The following PLXNA4 variants were observed in gnomAD, a reference collection of about 807,000 sequenced individuals.
PLXNA4 encodes plexin-A4.
Under a neutral mutation model 191.8 loss-of-function variants are expected in PLXNA4, and 44 were observed. The observed-to-expected ratio is 0.23, with a 90% CI of 0.18 to 0.29. PLXNA4 has a LOEUF of 0.29. Ranked by LOEUF, PLXNA4 falls within the 10% of genes least tolerant of loss-of-function variation. The pLI, the probability that PLXNA4 is intolerant of heterozygous loss-of-function variation, is 1.00. For synonymous variants in PLXNA4, 1,082 were observed against 1,009.5 expected (o/e 1.07, Z -1.36); for missense variants, 1,800 against 2,488.8 (o/e 0.72, Z 5.89).
chr7:132,434,716 C>A (rs1314550772), intron 3 of PLXNA4, among the ~76,000 whole-genome samples: 1 of 152,198 alleles, frequency 6.6e-6, no homozygotes, highest in Non-Finnish European at 1.5e-5. Flanking sequence ...GGCACACAGA[C>A]CATGAATGAT....
At chr7:132,157,501 T>G (rs1268807290) in intron 25 of PLXNA4, among the ~76,000 whole-genome samples, 1 of 152,178 alleles carries the variant, frequency 6.6e-6, no homozygotes, top group Non-Finnish European at 1.5e-5. Flanking sequence ...TGTGAGCCCC[T>G]CCATGGGAAA....
At chr7:132,606,792 A>G (rs905301942) in intron 2 of PLXNA4, among the ~76,000 whole-genome samples, 1 of 152,224 alleles carries the variant, frequency 6.6e-6, no homozygotes, top group Admixed American at 6.5e-5. Flanking sequence ...CACCTGATAT[A>G]TGGCAAAAAA....
At chr7:132,170,742 A>C (rs1339430002) in intron 21 of PLXNA4, among the ~76,000 whole-genome samples, 1 of 152,202 alleles carries the variant, frequency 6.6e-6, no homozygotes, top group Non-Finnish European at 1.5e-5. Flanking sequence ...CCTTGCACAG[A>C]AGGGCTGTCA....
intron 1 of PLXNA4, among the ~76,000 whole-genome samples, chr7:132,572,277 G>A (rs868375506): frequency 2.6e-5 from 4 of 152,070 alleles, no homozygotes; most frequent in East Asian, 1.9e-4. Context: ...AATAGGGACC[G>A]TAATAGCCTA....
intron 1 of PLXNA4, among the ~76,000 whole-genome samples, chr7:132,563,110 CCCT>C (rs1801389412): frequency 2.5e-5 from 1 of 39,442 alleles, no homozygotes; most frequent in Non-Finnish European, 5.2e-5. Context: ...CTCCTCCTCT[CCCT>C]CCTCCTCCTT....
At chr7:132,363,383 C>T (rs1804025378) in intron 3 of PLXNA4, among the ~76,000 whole-genome samples, 2 of 152,316 alleles carry the variant, frequency 1.3e-5, no homozygotes, top group Admixed American at 1.3e-4. Context: ...CATCATTATG[C>T]TTCCTATCTC....
chr7:132,373,403 G>C (rs892201385), intron 3 of PLXNA4, among the ~76,000 whole-genome samples: 2 of 152,164 alleles, frequency 1.3e-5, no homozygotes, highest in African/African-American at 4.8e-5. Flanking sequence ...TCTATGATTG[G>C]TGCCAGGCCT....
chr7:132,357,340 C>T (rs1412457913), intron 3 of PLXNA4, among the ~76,000 whole-genome samples: 1 of 152,200 alleles, frequency 6.6e-6, no homozygotes, highest in African/African-American at 2.4e-5. Context: ...CTTTCCTTTG[C>T]ATCCTTCTTG....
chr7:132,593,840 G>T (rs1585392306), intron 2 of PLXNA4, among the ~76,000 whole-genome samples: 2 of 152,346 alleles, frequency 1.3e-5, no homozygotes, highest in South Asian at 4.1e-4. Context: ...CACAAAAAGA[G>T]GTTGAATGAA....
At chr7:132,260,613 C>T (rs989218177) in intron 4 of PLXNA4, among the ~76,000 whole-genome samples, 2 of 151,486 alleles carry the variant, frequency 1.3e-5, no homozygotes, top group Admixed American at 6.6e-5. Flanking sequence ...CAAACTTCAG[C>T]GACACGCGAT....
intron 3 of PLXNA4, among the ~76,000 whole-genome samples, chr7:132,403,117 C>G (rs959303264): frequency 1.3e-5 from 2 of 152,202 alleles, no homozygotes; most frequent in African/African-American, 4.8e-5. Flanking sequence ...TCCCAGGAGG[C>G]AGTGCTTGGA....
At chr7:132,132,087 G>A (rs1046089811) in intron 31 of PLXNA4, among the ~76,000 whole-genome samples, 1 of 152,246 alleles carries the variant, frequency 6.6e-6, no homozygotes, top group Non-Finnish European at 1.5e-5. Flanking sequence ...TGGATTCCAA[G>A]GATGGCCAGA....
At chr7:132,564,141 CCTCCTCCTCCTT>C (rs1335868229) in intron 1 of PLXNA4, among the ~76,000 whole-genome samples, 9 of 131,682 alleles carry the variant, frequency 6.8e-5, no homozygotes, top group African/African-American at 1.2e-4. Flanking sequence ...TCCTCCTTCT[CCTCCTCCTCCTT>C]CTCCTCCTCC....
intron 22 of PLXNA4, among the ~76,000 whole-genome samples, chr7:132,167,905 C>T (rs1168173713): frequency 6.6e-6 from 1 of 152,182 alleles, no homozygotes; most frequent in Non-Finnish European, 1.5e-5. Flanking sequence ...CCTCTGCCAC[C>T]TGATGGCATG....
chr7:132,267,116 C>T (rs1379670764), intron 4 of PLXNA4, among the ~76,000 whole-genome samples: 1 of 152,160 alleles, frequency 6.6e-6, no homozygotes, highest in Admixed American at 6.5e-5. Flanking sequence ...AAGGAGCATC[C>T]AGGAGCAAAT....
chr7:132,368,137 G>T (rs1219769689), intron 3 of PLXNA4, among the ~76,000 whole-genome samples: 2 of 152,134 alleles, frequency 1.3e-5, no homozygotes, highest in Non-Finnish European at 2.9e-5. Context: ...TGGACAGCAG[G>T]GTGTTGATTG....
At chr7:132,154,379 T>G (rs1351963483) in intron 25 of PLXNA4, among the ~76,000 whole-genome samples, 3 of 149,000 alleles carry the variant, frequency 2.0e-5, no homozygotes, top group Non-Finnish European at 4.4e-5. Flanking sequence ...AAAATTCACC[T>G]GGGAGCAGGA....
At chr7:132,253,447 G>T (rs1424433803) in intron 4 of PLXNA4, among the ~76,000 whole-genome samples, 1 of 151,996 alleles carries the variant, frequency 6.6e-6, no homozygotes, top group Admixed American at 6.6e-5. Flanking sequence ...AGTTCACCAT[G>T]TTGGCCAAGC....
chr7:132,585,060 T>G (rs1000263481), intron 2 of PLXNA4, among the ~76,000 whole-genome samples: 1 of 152,108 alleles, frequency 6.6e-6, no homozygotes, highest in African/African-American at 2.4e-5. Context: ...GCTCGGTGGA[T>G]CTGGTAAACG....
Sources: allele counts gnomAD v4.1 joint callset (sites outside exome capture counted in the v4.1 genomes callset), GRCh38; gene constraint gnomAD v4.1.1; transcripts MANE v1.5; gene names NCBI Gene and HGNC (gene_info 2026-07-23, HGNC 2026-07-21).